Variants in EPS15L1 observed in about 807,000 individuals in gnomAD.
EPS15L1 encodes the protein epidermal growth factor receptor pathway substrate 15 like 1, also known as epidermal growth factor receptor substrate 15-like 1.
In EPS15L1, 43 loss-of-function variants were observed where a neutral mutation model predicts 117.1. The ratio of observed to expected loss-of-function variants is 0.37; its 90% CI spans 0.29 to 0.47. EPS15L1 has a LOEUF of 0.47. Among genes scored for constraint, EPS15L1 ranks in the 20% least tolerant of loss-of-function variants. EPS15L1 has a pLI of 0.99. For missense variants in EPS15L1, 981 were observed against 1,164.0 expected (o/e 0.84, Z 2.29); for synonymous variants, 459 against 470.5 (o/e 0.98, Z 0.32).
intron 12 of EPS15L1, among the ~76,000 whole-genome samples, chr19:16,415,298 T>C (rs1018339242): frequency 6.6e-6 from 1 of 152,158 alleles, no homozygotes. Context: ...CTGTGCGAAA[T>C]GTCTGATGTT....
rs1434767661 is a variant in EPS15L1, at chr19:16,370,647, A to G, written c.2380+6475T>C. 6.6e-6 allele frequency among the ~76,000 whole-genome samples: 1 copy of G among 152,158 alleles called. No individual in the cohort carries two copies. The highest frequency in any genetic ancestry group is 1.5e-5 in the Non-Finnish European group (1 of 68,018). ...TGTGCCCAGGAAGGCAAATGCTTCT[A>G]TTTTCAAACTCAGTGGTCTTTACAG... On this transcript the variant is annotated intron_variant, in intron 22 of 23. Transcript: ENST00000455140. The surrounding 1 kb of genome is among the most constrained non-coding windows in gnomAD (Gnocchi z 5.2).
At chr19:16,391,114 G>A (rs1455614928) in intron 19 of EPS15L1, among the ~76,000 whole-genome samples, 1 of 152,094 alleles carries the variant, frequency 6.6e-6, no homozygotes, top group Non-Finnish European at 1.5e-5. Flanking sequence ...GTCAGGGACC[G>A]CCAGTACTAG....
chr19:16,470,040 G>A (rs1186998996), intron 1 of EPS15L1, among the ~76,000 whole-genome samples: 2 of 152,090 alleles, frequency 1.3e-5, no homozygotes, highest in African/African-American at 4.8e-5. Flanking sequence ...ACCAGGCCAC[G>A]CCTTCATTCA....
chr19:16,437,703 A>G lies in EPS15L1; in HGVS notation c.309+67T>C, dbSNP rs530314884. 4.6e-6 allele frequency: 5 copies of G among 1,095,492 alleles called. No homozygotes were observed. In the South Asian group the frequency reaches 6.2e-5, roughly 14 times the overall value. The allele number at this position is 1,095,492 out of a possible 1,614,324, so 67.9% of individuals were successfully genotyped here. On this transcript the variant is annotated intron_variant, in intron 5 of 23. Transcript: ENST00000455140. ...TGGAAATATACATGCACATACACAC[A>G]TGCACATACACACACACACACATCT...
chr19:16,438,089 A>T (rs569469038), intron 4 of EPS15L1, among the ~76,000 whole-genome samples: 1 of 152,250 alleles, frequency 6.6e-6, no homozygotes, highest in Admixed American at 6.5e-5. Context: ...GTGGTGGCTC[A>T]TGTCTGTAAT....
chr19:16,393,482 T>C (rs1252845953), intron 18 of EPS15L1, among the ~76,000 whole-genome samples: 1 of 151,560 alleles, frequency 6.6e-6, no homozygotes, highest in Non-Finnish European at 1.5e-5. Flanking sequence ...ACCCCGTCTC[T>C]ACTAAAAATA....
intron 22 of EPS15L1, among the ~76,000 whole-genome samples, chr19:16,362,725 G>A (rs1286588220): frequency 6.6e-6 from 1 of 151,946 alleles, no homozygotes; most frequent in African/African-American, 2.4e-5. Flanking sequence ...GCCCAGGCTA[G>A]CCTCAAACTC....
intron 1 of EPS15L1, among the ~76,000 whole-genome samples, chr19:16,444,351 G>GC (rs1350866102): frequency 6.6e-6 from 1 of 152,128 alleles, no homozygotes; most frequent in Admixed American, 6.5e-5. Context: ...CAAGATGGCT[G>GC]CCCCCCTCGT....
chr19:16,447,637 G>A (rs536540768), intron 1 of EPS15L1, among the ~76,000 whole-genome samples: 2 of 152,004 alleles, frequency 1.3e-5, no homozygotes, highest in African/African-American at 4.8e-5. Flanking sequence ...GCAGGTGCCT[G>A]TAATCCCAGT....
rs371196544 is a variant in EPS15L1, at chr19:16,413,758, G to A, written c.1266+15C>T. 65 of 1,610,880 alleles carry A rather than the reference G, an allele frequency of 4.0e-5. No homozygotes were observed. The highest frequency in any genetic ancestry group is 2.3e-4 in the African/African-American group (17 of 74,848). ...AGCACAAAGTAGATGTAACCAAAAC[G>A]AACGAGACCCTTACCTGCACCTCGC... On this transcript the variant is annotated intron_variant, in intron 13 of 23. Coordinates refer to ENST00000455140, the MANE Select transcript of EPS15L1 (RefSeq NM_001258374.3).
chr19:16,454,089 G>A lies in EPS15L1; in HGVS notation c.34-11870C>T, dbSNP rs983581993. On this transcript the variant is annotated intron_variant, in intron 1 of 23. Coordinates refer to ENST00000455140, the MANE Select transcript of EPS15L1 (RefSeq NM_001258374.3). ...ACAAGGTCTGCTCCTGGGAGACTGA[G>A]AAGTGATGCAGGAGTGGGGGAAGGG... is the stretch of plus-strand genomic sequence containing the variant. Among the ~76,000 whole-genome samples the A allele has an allele frequency of 1.3e-5, 2 of 152,194 alleles. 1 individual carries two copies. The highest frequency in any genetic ancestry group is 1.3e-4 in the Admixed American group (2 of 15,274).
intron 16 of EPS15L1, chr19:16,401,413 T>A (rs1015730699): frequency 1.0e-6 from 1 of 985,288 alleles, no homozygotes; most frequent in African/African-American, 1.7e-5. Context: ...GAGGAATCCA[T>A]GACGTACAGA....
chr19:16,429,046 T>C (rs2092904952), intron 7 of EPS15L1, among the ~76,000 whole-genome samples: 1 of 151,342 alleles, frequency 6.6e-6, no homozygotes, highest in Admixed American at 6.6e-5. Context: ...GTTTCTTCTT[T>C]ATTGTCTTAC....
intron 1 of EPS15L1, among the ~76,000 whole-genome samples, chr19:16,448,758 G>T (rs558265882): frequency 6.6e-6 from 1 of 151,772 alleles, no homozygotes; most frequent in African/African-American, 2.4e-5. Flanking sequence ...TGAACCCAGC[G>T]GGCAGAGGCT....
intron 23 of EPS15L1, chr19:16,361,429 C>A (rs978461908): frequency 6.5e-6 from 2 of 306,180 alleles, no homozygotes; most frequent in East Asian, 1.3e-4. Context: ...TTTCATACTT[C>A]GGAAGTGTTT....
chr19:16,428,577 G>GGAAAAGAAAAGAAAA (rs567923417), intron 8 of EPS15L1, 125 bp downstream of exon 8: 3 of 670,968 alleles, frequency 4.5e-6, no homozygotes, highest in Non-Finnish European at 7.6e-6. Flanking sequence ...GAAAAGGAAA[G>GGAAAAGAAAAGAAAA]GAAAAGAAAA....
At chr19:16,420,907 T>C (rs1011383444) in intron 10 of EPS15L1, among the ~76,000 whole-genome samples, 1 of 152,172 alleles carries the variant, frequency 6.6e-6, no homozygotes, top group African/African-American at 2.4e-5. Flanking sequence ...GAGCAGGGCC[T>C]CCTGCCCCCG....
At position 16,361,875 on chromosome 19, in the gene EPS15L1, C is replaced by G; in HGVS notation, c.2490G>C (p.Gly830=). The change falls in exon 23 of 24, where the codon GGG becomes GGC. Residue 830 remains glycine, a synonymous_variant. Transcript: ENST00000455140. The part of the protein sequence containing the change: ...DSGDPFQSKK[G]FGDPFSGKDP... ...CTTTTCCACTAAACGGGTCCCCAAA[C>G]CCCTTTTTACTTTGGAACGGGTCGC... is the stretch of plus-strand genomic sequence containing the variant. 1.9e-6 allele frequency: 3 copies of G among 1,614,122 alleles called. No homozygotes were observed. The highest frequency in any genetic ancestry group is 2.5e-6 in the Non-Finnish European group (3 of 1,180,020).
rs749503296 is a variant in EPS15L1 at position 16,404,786 on chromosome 19, A to T, written c.1267-37T>A. The T allele has an allele frequency of 6.2e-7, 1 of 1,608,060 alleles. No homozygotes were observed. The highest frequency in any genetic ancestry group is 8.5e-7 in the Non-Finnish European group (1 of 1,175,226). ...TTGCAGGGGTTTACGTGAGGATGGG[A>T]AAAATGAAGCATGTCCAAGATAACG... On this transcript the variant is annotated intron_variant, in intron 13 of 23. Coordinates refer to ENST00000455140, the MANE Select transcript of EPS15L1 (RefSeq NM_001258374.3). This position sits in a 1 kb window ranked among gnomAD's most constrained non-coding sequence, Gnocchi z 4.2.
Sources: allele counts gnomAD v4.1 joint callset (sites outside exome capture counted in the v4.1 genomes callset), GRCh38; gene constraint gnomAD v4.1.1; non-coding constraint Gnocchi (gnomAD v3.1); transcripts MANE v1.5; gene names NCBI Gene and HGNC (gene_info 2026-07-23, HGNC 2026-07-21).